The following MALT1 variants were observed in gnomAD, a reference collection of about 807,000 sequenced individuals.
MALT1 encodes mucosa-associated lymphoid tissue lymphoma translocation protein 1.
In MALT1, 36 loss-of-function variants were observed where a neutral mutation model predicts 85.5. That is an observed-to-expected ratio of 0.42 (90% confidence interval 0.32 to 0.56). The LOEUF is 0.56. Among genes scored for constraint, MALT1 ranks in the 20% least tolerant of loss-of-function variants. The pLI, the probability that MALT1 is intolerant of heterozygous loss-of-function variation, is 0.10. For missense variants in MALT1, 716 were observed against 981.6 expected (o/e 0.73, Z 3.62); for synonymous variants, 359 against 361.3 (o/e 0.99, Z 0.07).
intron 10 of MALT1, among the ~76,000 whole-genome samples, chr18:58,729,203 C>T (rs1240752996): frequency 6.6e-6 from 1 of 151,894 alleles, no homozygotes; most frequent in Non-Finnish European, 1.5e-5. Flanking sequence ...AAATTACAGT[C>T]CTGGGCCGGG....
Position 58,681,179 on chromosome 18 carries a change from C to T in MALT1, c.219C>T (p.Asp73=). The T allele has an allele frequency of 6.2e-7, 1 of 1,613,466 alleles. No individual in the cohort carries two copies. Among genetic ancestry groups the T allele is most frequent in the South Asian group, 1.1e-5 (1 of 90,920 alleles). The change falls in exon 2 of 17, where the codon GAC becomes GAT. Residue 73 remains aspartate, a synonymous_variant. Coordinates refer to ENST00000649217, the MANE Select transcript of MALT1 (RefSeq NM_006785.4). ...TTTCTGTTGCTTTCAGTTGCCTAGA[C>T]CTGGAGCAGTGTTCTCTTAAGGTAC... ...SRGRLRLSCL[D]LEQCSLKVLE...
chr18:58,673,447 A>C (rs2054196396), intron 1 of MALT1, among the ~76,000 whole-genome samples: 1 of 151,300 alleles, frequency 6.6e-6, no homozygotes, highest in African/African-American at 2.4e-5. Flanking sequence ...TATTCTTCTT[A>C]TTTTTGCATT....
At chr18:58,679,624 G>T (rs2054290854) in intron 1 of MALT1, among the ~76,000 whole-genome samples, 1 of 152,164 alleles carries the variant, frequency 6.6e-6, no homozygotes, top group African/African-American at 2.4e-5. Context: ...CATGATCTCA[G>T]CTCACTGCAA....
rs1893072520 is a variant in MALT1, at chr18:58,753,866, T to C, written c.*6024T>C. The C allele has an allele frequency of 6.6e-6, 1 of 152,250 alleles. No homozygotes were observed. The highest frequency in any genetic ancestry group is 2.4e-5 in the African/African-American group (1 of 41,468). The allele number at this position is 152,250 out of a possible 1,614,324, so 9.4% of individuals were successfully genotyped here. On this transcript the variant is annotated 3_prime_UTR_variant, in exon 17 of 17. Coordinates refer to ENST00000649217, the MANE Select transcript of MALT1 (RefSeq NM_006785.4). ...TGTCATTACAGAGTGCTTATTCTGT[T>C]ACAAAATTAGTAAAGCTGATTCTGC... is the stretch of plus-strand genomic sequence containing the variant.
chr18:58,730,798 TTGTC>T (rs1424945789), intron 10 of MALT1, among the ~76,000 whole-genome samples: 2 of 152,258 alleles, frequency 1.3e-5, no homozygotes, highest in Non-Finnish European at 2.9e-5. Flanking sequence ...ACACTTGTTC[TTGTC>T]TGTCTTTTTT....
At chr18:58,674,459 T>C (rs1046778266) in intron 1 of MALT1, among the ~76,000 whole-genome samples, 6 of 152,040 alleles carry the variant, frequency 3.9e-5, no homozygotes, top group Non-Finnish European at 8.8e-5. Context: ...TCTTTCAAGA[T>C]GGTAAAGATT....
chr18:58,699,379 A>G (rs143510926), intron 3 of MALT1, among the ~76,000 whole-genome samples: 353 of 152,272 alleles, frequency 2.3e-3, no homozygotes, highest in Non-Finnish European at 4.1e-3. Flanking sequence ...TTGTAAGTGC[A>G]GCCTGTCATC....
chr18:58,744,282 AT>A, intron 14 of MALT1, 55 bp from the exon 15 acceptor site: 1 of 1,196,830 alleles, frequency 8.4e-7, no homozygotes, highest in Non-Finnish European at 1.2e-6. Flanking sequence ...CTCCATAAAT[AT>A]TTGCCTCTTA....
At chr18:58,700,276 A>C (rs1212338160) in intron 3 of MALT1, among the ~76,000 whole-genome samples, 165 bp from the exon 4 acceptor site, 1 of 152,246 alleles carries the variant, frequency 6.6e-6, no homozygotes, top group Non-Finnish European at 1.5e-5. Flanking sequence ...CTTCAGTCCT[A>C]AATAACTCAA....
Position 58,733,416 on chromosome 18 carries a change from A to G in MALT1, c.1242A>G (p.Gly414=). The G allele has an allele frequency of 6.2e-7, 1 of 1,610,292 alleles. No homozygotes were observed. The highest frequency in any genetic ancestry group is 1.1e-5 in the South Asian group (1 of 90,074). ...TTTCAGGGTTATTATATTATGCAGG[A>G]CATGGTTATGAAAATTTTGGGAACA... The part of the protein sequence containing the change: ...KGVYGLLYYA[G]HGYENFGNSF... Residue 414 remains glycine, a synonymous_variant, in exon 11 of 17, where the codon GGA becomes GGG. Transcript: ENST00000649217.
chr18:58,719,453 T>C (rs1249800277), intron 9 of MALT1, among the ~76,000 whole-genome samples: 9 of 152,166 alleles, frequency 5.9e-5, no homozygotes, highest in Admixed American at 5.9e-4. Flanking sequence ...TTCCTTTGGT[T>C]CCTTCTCCCT....
intron 2 of MALT1, 45 bp from the exon 3 acceptor site, chr18:58,696,321 C>T: frequency 4.5e-6 from 6 of 1,326,134 alleles, no homozygotes; most frequent in Non-Finnish European, 4.9e-6. Flanking sequence ...CAAGGAAAAT[C>T]CCTCTTGTGA....
intron 1 of MALT1, among the ~76,000 whole-genome samples, chr18:58,673,798 T>C (rs921974360): frequency 6.6e-6 from 1 of 152,104 alleles, no homozygotes; most frequent in African/African-American, 2.4e-5. Context: ...GAGTTTGGGA[T>C]TGAGGCAAAG....
At chr18:58,739,235 A>G (rs1436942753) in intron 13 of MALT1, among the ~76,000 whole-genome samples, 2 of 152,142 alleles carry the variant, frequency 1.3e-5, no homozygotes, top group Non-Finnish European at 2.9e-5. Context: ...TTCTGTTTAG[A>G]ATTTTCATAT....
At chr18:58,714,198 A>G (rs760154166) in intron 8 of MALT1, 89 bp downstream of exon 8, 1 of 577,280 alleles carries the variant, frequency 1.7e-6, no homozygotes, top group South Asian at 2.2e-5. Context: ...TGCTACAGTA[A>G]TACTAGTAAC....
intron 4 of MALT1, among the ~76,000 whole-genome samples, chr18:58,706,365 C>T (rs998476232): frequency 6.6e-6 from 1 of 152,172 alleles, no homozygotes; most frequent in African/African-American, 2.4e-5. Flanking sequence ...CCATCTTGGC[C>T]AGGCTGGTCT....
intron 2 of MALT1, among the ~76,000 whole-genome samples, chr18:58,687,791 TTA>T (rs1475320692): frequency 1.3e-5 from 2 of 152,350 alleles, no homozygotes; most frequent in African/African-American, 4.8e-5. Flanking sequence ...TTTATCTTTC[TTA>T]TAATTTCAGC....
At chr18:58,725,581 G>C (rs1343496729) in intron 10 of MALT1, among the ~76,000 whole-genome samples, 2 of 152,140 alleles carry the variant, frequency 1.3e-5, no homozygotes, top group Non-Finnish European at 2.9e-5. Context: ...AAAGGAAAAG[G>C]CTTCCAAAAC....
At position 58,723,584 on chromosome 18, in the gene MALT1, A is replaced by C. The variant is rs2055013734; in HGVS notation, c.1222+333A>C. 1.3e-5 allele frequency among the ~76,000 whole-genome samples: 2 copies of C among 152,124 alleles called. 1 individual carries two copies. Among genetic ancestry groups the C allele is most frequent in the Admixed American group, 1.3e-4 (2 of 15,264 alleles). ...CAAAATTTACATTCATATGCGTAAA[A>C]TATTACAGTATGTGGGGTTTTCTTT... On this transcript the variant is annotated intron_variant, in intron 10 of 16. Transcript: ENST00000649217.
Sources: allele counts gnomAD v4.1 joint callset (sites outside exome capture counted in the v4.1 genomes callset), GRCh38; gene constraint gnomAD v4.1.1; transcripts MANE v1.5; gene names NCBI Gene and HGNC (gene_info 2026-07-23, HGNC 2026-07-21).